Variants in CAPN5 observed in about 807,000 individuals in gnomAD.
CAPN5 encodes the protein calpain 5.
A neutral mutation model predicts 73.0 loss-of-function variants in CAPN5; 54 were observed. That is an observed-to-expected ratio of 0.74 (90% confidence interval 0.59 to 0.93). The LOEUF is 0.93. CAPN5 is among the 40% of genes least tolerant of loss of function. The pLI, the probability that CAPN5 is intolerant of heterozygous loss-of-function variation, is 0.00. For synonymous variants in CAPN5, 335 were observed against 356.9 expected, an observed-to-expected ratio of 0.94 and a Z score of 0.69; for missense variants, 785 against 882.9, an observed-to-expected ratio of 0.89 and a Z score of 1.41.
At chr11:77,105,388 C>G (rs993141367) in intron 3 of CAPN5, among the ~76,000 whole-genome samples, 2 of 152,122 alleles carry the variant, frequency 1.3e-5, no homozygotes, top group African/African-American at 4.8e-5. Context: ...GCCTCCGGCC[C>G]TGACTGTTTC....
chr11:77,083,016 C>G (rs574175829), intron 1 of CAPN5, among the ~76,000 whole-genome samples: 1 of 152,188 alleles, frequency 6.6e-6, no homozygotes. Flanking sequence ...GCCTGAAGCC[C>G]GGAAGCTGGC....
intron 1 of CAPN5, among the ~76,000 whole-genome samples, chr11:77,072,404 C>G (rs879971550): frequency 2.6e-5 from 4 of 152,226 alleles, no homozygotes; most frequent in Non-Finnish European, 5.9e-5. Flanking sequence ...CTTCACCAGG[C>G]TGACCTCTAG....
Position 77,114,360 on chromosome 11 carries a change from A to G in CAPN5, c.625A>G (p.Thr209Ala). The change falls in exon 5 of 13, where the codon ACT (threonine) becomes GCT (alanine). Residue 209 changes from threonine (T) to alanine (A), a missense_variant. Coordinates refer to ENST00000648180, the MANE Select transcript of CAPN5 (RefSeq NM_004055.5). Reference protein sequence around the residue: ...LTEGDFANDETKRNQLFERML... With the variant: ...LTEGDFANDEAKRNQLFERML... The stretch of plus-strand genomic sequence containing the variant: ...CGAGGGTGACTTTGCCAACGATGAG[A>G]CTAAGAGGAACCAGCTCTTTGAGCG... 1 of 1,614,154 alleles carries G rather than the reference A, an allele frequency of 6.2e-7. No individual in the cohort carries two copies. Among genetic ancestry groups the G allele is most frequent in the Non-Finnish European group, 8.5e-7 (1 of 1,180,038 alleles).
chr11:77,110,021 C>T (rs968204284), intron 3 of CAPN5, among the ~76,000 whole-genome samples: 7 of 152,150 alleles, frequency 4.6e-5, no homozygotes, highest in Non-Finnish European at 1.0e-4. Context: ...GACTCCCTGT[C>T]ACTCTGTGCG....
chr11:77,087,375 G>A (rs782454059), intron 2 of CAPN5, among the ~76,000 whole-genome samples: 8 of 152,158 alleles, frequency 5.3e-5, no homozygotes, highest in African/African-American at 7.2e-5. Flanking sequence ...GCCTTGTTTC[G>A]ATGGAGTCTT....
At chr11:77,085,224 G>T (rs1950073361) in intron 2 of CAPN5, among the ~76,000 whole-genome samples, 173 bp downstream of exon 2, 1 of 152,198 alleles carries the variant, frequency 6.6e-6, no homozygotes, top group South Asian at 2.1e-4. Context: ...TGGAGAATGG[G>T]CTGTAATCCT....
At chr11:77,110,244 C>T (rs1285691796) in intron 3 of CAPN5, among the ~76,000 whole-genome samples, 22 of 152,024 alleles carry the variant, frequency 1.4e-4, no homozygotes, top group African/African-American at 4.4e-4. Context: ...CGCACCACCA[C>T]GCCCAGCTAA....
chr11:77,111,994 G>A (rs1950414820), intron 3 of CAPN5, among the ~76,000 whole-genome samples: 1 of 152,116 alleles, frequency 6.6e-6, no homozygotes, highest in Non-Finnish European at 1.5e-5. Context: ...TGCATTGAGA[G>A]TTTGTGTCTT....
In CAPN5 at chr11:77,102,916, G is replaced by T. The variant is rs374206593; in HGVS notation, c.297+9103G>T. On this transcript the variant is annotated intron_variant, in intron 3 of 12. Transcript: ENST00000648180. Reference sequence around the variant, plus strand: ...GACCAGGGCCTGACCAGGCAGATGCGGCTACGCGTGGAGAGCCTGAAGCAG... The same window carrying T: ...GACCAGGGCCTGACCAGGCAGATGCTGCTACGCGTGGAGAGCCTGAAGCAG... 6 of 1,612,852 alleles carry T rather than the reference G, an allele frequency of 3.7e-6. No individual in the cohort carries two copies. Among genetic ancestry groups the T allele is most frequent in the Admixed American group, 1.7e-5 (1 of 60,014 alleles).
chr11:77,125,614 C>CTATATATATATATATA lies in CAPN5; in HGVS notation c.*1755_*1770dup, dbSNP rs10543158. The CTATATATATATATATA allele has an allele frequency of 6.7e-4, 94 of 140,720 alleles. No individual in the cohort carries two copies. Among genetic ancestry groups the CTATATATATATATATA allele is most frequent in the African/African-American group, 2.2e-3 (84 of 38,404 alleles). The allele number at this position is 140,720 out of a possible 1,614,324, so 8.7% of individuals were successfully genotyped here. ...CTATGTATCTCTGTATGCACACGCA[C>CTATATATATATATATA]TATATATATATATATATATATATAT... On this transcript the variant is annotated 3_prime_UTR_variant, in exon 13 of 13. Transcript: ENST00000648180.
intron 3 of CAPN5, among the ~76,000 whole-genome samples, chr11:77,105,789 G>A (rs543523989): frequency 3.3e-5 from 5 of 152,340 alleles, no homozygotes; most frequent in Non-Finnish European, 5.9e-5. Flanking sequence ...CCAAGGCCAC[G>A]TGACTTCAGT....
At chr11:77,098,274 G>A (rs1270928172) in intron 3 of CAPN5, among the ~76,000 whole-genome samples, 3 of 102,910 alleles carry the variant, frequency 2.9e-5, no homozygotes, top group African/African-American at 1.2e-4. Flanking sequence ...GGCCGGGCGG[G>A]GGGCTGACCC....
intron 3 of CAPN5, 132 bp downstream of exon 3, chr11:77,093,945 G>A: frequency 1.5e-6 from 2 of 1,326,806 alleles, no homozygotes; most frequent in Admixed American, 2.1e-5. Context: ...TGGGGTGGGG[G>A]CCCCCAGTAC....
chr11:77,116,101 C>T (rs1950465466), intron 6 of CAPN5, 125 bp from the exon 7 acceptor site: 3 of 836,950 alleles, frequency 3.6e-6, no homozygotes, highest in Non-Finnish European at 5.8e-6. Context: ...TGCCCCTGGC[C>T]ACACCGTGCC....
chr11:77,106,650 T>A (rs1446006667), intron 3 of CAPN5, among the ~76,000 whole-genome samples: 2 of 152,200 alleles, frequency 1.3e-5, no homozygotes, highest in East Asian at 3.9e-4. Flanking sequence ...GTCCACCAAG[T>A]GCTCGAGCTT....
chr11:77,116,363 G>A lies in CAPN5; in HGVS notation c.971+60G>A, dbSNP rs1455039046. 9.5e-6 allele frequency: 13 copies of A among 1,370,216 alleles called. No individual in the cohort carries two copies. In the East Asian group the frequency reaches 1.9e-4, roughly 20 times the overall value. 84.9% of individuals were successfully genotyped at this position (1,370,216 alleles called of 1,614,324 possible). A position where few individuals can be genotyped will look rare whatever the true frequency, so the allele number is the denominator to read the frequency against. On this transcript the variant is annotated intron_variant, in intron 7 of 12. Coordinates refer to ENST00000648180, the MANE Select transcript of CAPN5 (RefSeq NM_004055.5). ...AGGGGGCTTCCCACGGGCCTGGCGG[G>A]GAGCACCAGGTGGGGAGTCAGGAGC...
At chr11:77,074,125 C>A (rs1949942023) in intron 1 of CAPN5, among the ~76,000 whole-genome samples, 1 of 152,198 alleles carries the variant, frequency 6.6e-6, no homozygotes, top group Non-Finnish European at 1.5e-5. Context: ...AATACATTAA[C>A]AAAATCAAAA....
At chr11:77,092,538 G>T (rs1354126262) in intron 2 of CAPN5, among the ~76,000 whole-genome samples, 2 of 152,248 alleles carry the variant, frequency 1.3e-5, no homozygotes, top group African/African-American at 4.8e-5. Flanking sequence ...GCAGAGCAAG[G>T]GGCTTCCAGA....
intron 9 of CAPN5, 102 bp from the exon 10 acceptor site, chr11:77,120,611 G>C (rs1237438866): frequency 8.3e-6 from 6 of 721,212 alleles, no homozygotes; most frequent in African/African-American, 1.8e-5. Flanking sequence ...TTCATATAAA[G>C]GGATTCCATC....
Sources: allele counts gnomAD v4.1 joint callset (sites outside exome capture counted in the v4.1 genomes callset), GRCh38; gene constraint gnomAD v4.1.1; transcripts MANE v1.5; gene names NCBI Gene and HGNC (gene_info 2026-07-23, HGNC 2026-07-21).